STRC: variants seen among roughly 807,000 people sequenced by gnomAD.
The protein encoded by STRC is stereocilin.
STRC carries 43 observed loss-of-function variants against 103.5 expected under a neutral mutation model. That is an observed-to-expected ratio of 0.42 (90% confidence interval 0.33 to 0.54). The LOEUF is 0.54. STRC is among the 20% of genes least tolerant of loss of function. The pLI, the probability that STRC is intolerant of heterozygous loss-of-function variation, is 0.14. For missense variants in STRC, 499 were observed against 1,088.5 expected, an observed-to-expected ratio of 0.46 and a Z score of 7.62; for synonymous variants, 186 against 442.3, an observed-to-expected ratio of 0.42 and a Z score of 7.27.
intron 20 of STRC, 79 bp from the exon 21 acceptor site, chr15:43,604,530 G>C (rs542717773): frequency 1.2e-6 from 2 of 1,605,986 alleles, no homozygotes; most frequent in South Asian, 2.2e-5. Flanking sequence ...GGACATGCTA[G>C]GATTTCGGAC....
In STRC at chr15:43,600,928, A is replaced by G. The variant is rs780035847; in HGVS notation, c.4788T>C (p.Tyr1596=). 16 of 1,603,852 alleles carry G rather than the reference A, an allele frequency of 1.0e-5. No homozygotes were observed. Among genetic ancestry groups the G allele is most frequent in the Non-Finnish European group, 1.3e-5 (15 of 1,174,900 alleles). The change falls in exon 25 of 29, where the codon TAT becomes TAC. Residue 1596 remains tyrosine, a synonymous_variant. Transcript: ENST00000450892. The part of the protein sequence containing the change: ...LDFVHLTALG[Y]TLCGLRPEEL... ...CCTCTGGCCGCAGTCCACAGAGAGT[A>G]TAACCCAGCGCTGTCAGATGAACGA...
chr15:43,603,568 G>C, intron 22 of STRC, 157 bp from the exon 23 acceptor site: 1 of 823,250 alleles, frequency 1.2e-6, no homozygotes, highest in East Asian at 2.6e-5. Context: ...ATAGGGCTTA[G>C]GAGATAATAG....
chr15:43,604,176 G>C, intron 21 of STRC, 24 bp from the exon 22 acceptor site: 2 of 1,608,484 alleles, frequency 1.2e-6, no homozygotes, highest in South Asian at 2.2e-5. Context: ...TAGAAGGAGA[G>C]TGGGGAGATC....
At chr15:43,617,234 AT>A (rs2085763757) in intron 3 of STRC, among the ~76,000 whole-genome samples, 1 of 109,156 alleles carries the variant, frequency 9.2e-6, no homozygotes. Flanking sequence ...TATCATTCTC[AT>A]TTTATAAATG....
At position 43,601,546 on chromosome 15, in the gene STRC, C is replaced by T. The variant is rs2085668909; in HGVS notation, c.4551G>A (p.Trp1517Ter). 6.2e-7 allele frequency: 1 copy of T among 1,613,610 alleles called. No individual in the cohort carries two copies. The highest frequency in any genetic ancestry group is 8.5e-7 in the Non-Finnish European group (1 of 1,179,816). Reference protein sequence around the residue: ...RAAMGKAKQLWGPPRGFRPEQ... With the variant: ...RAAMGKAKQL ...CAGGACGAAATCCCCGGGGGGGACC[C>T]CACAACTAGGAGAAAGACAGGAACA... The change falls in exon 24 of 29, where the codon TGG (tryptophan) becomes TGA (stop). Residue 1517 changes from tryptophan to a stop codon, truncating the protein, a stop_gained. Transcript: ENST00000450892. LOFTEE classifies it high-confidence loss of function.
chr15:43,602,883 G>A (rs2085682020), intron 23 of STRC, among the ~76,000 whole-genome samples: 1 of 151,314 alleles, frequency 6.6e-6, no homozygotes, highest in African/African-American at 2.4e-5. Context: ...CTGACCTCGT[G>A]ATCTGCCCGC....
At chr15:43,601,857 C>A (rs1337216564) in intron 23 of STRC, among the ~76,000 whole-genome samples, 1 of 151,800 alleles carries the variant, frequency 6.6e-6, no homozygotes, top group African/African-American at 2.4e-5. Context: ...CAGTGGCTAA[C>A]AGCTGTAATC....
chr15:43,605,286 G>T lies in STRC; in HGVS notation c.3908C>A (p.Ala1303Glu). 8 of 1,590,164 alleles carry T rather than the reference G, an allele frequency of 5.0e-6. 1 individual carries two copies. The highest frequency in any genetic ancestry group is 6.0e-6 in the Non-Finnish European group (7 of 1,167,260). Residue 1303 changes from alanine to glutamate, a missense_variant, in exon 19 of 29, where the codon GCA (alanine) becomes GAA (glutamate). Ala to Glu is a moderately radical substitution (Grantham distance 107). Transcript: ENST00000450892. ...TACCAGGTTTTGTAGTGCCCTCTCT[G>T]CCAGGGCTGCCTGGTGGAGGGGGGT... ...ALTPLHQAALAERALQNLAPK... is the reference protein window; with the variant it reads ...ALTPLHQAALEERALQNLAPK...
rs754434533 is a variant in STRC at position 43,603,233 on chromosome 15, A to G, written c.4545+9T>C. 5.6e-6 allele frequency: 9 copies of G among 1,612,986 alleles called. No homozygotes were observed. The highest frequency in any genetic ancestry group is 6.8e-6 in the Non-Finnish European group (8 of 1,179,596). On this transcript the variant is annotated intron_variant, in intron 23 of 28. Transcript: ENST00000450892. ...CATGGCCAACCCCAGTTGGCTCTCCATCCCTAACCTGTTTTGCTTTGCCCA... is the reference window on the plus strand; with the variant it reads ...CATGGCCAACCCCAGTTGGCTCTCCGTCCCTAACCTGTTTTGCTTTGCCCA...
chr15:43,603,591 T>A, intron 22 of STRC, 180 bp from the exon 23 acceptor site: 2 of 739,252 alleles, frequency 2.7e-6, no homozygotes, highest in Non-Finnish European at 4.6e-6. Context: ...CAAGAAGTGA[T>A]TGGAGATGCC....
rs199722548 is a variant in STRC, at chr15:43,609,251, G to A, written c.3557+25C>T. On this transcript the variant is annotated intron_variant, in intron 16 of 28. Transcript: ENST00000450892. ...CAAAAAAATGTTGGTCGAATTCAGCGCACTGCTCAACACAAGTTACTCACT... is the reference window on the plus strand; with the variant it reads ...CAAAAAAATGTTGGTCGAATTCAGCACACTGCTCAACACAAGTTACTCACT... 36 of 1,608,276 alleles carry A rather than the reference G, an allele frequency of 2.2e-5. 2 individuals carry two copies. The East Asian group carries it at 2.5e-4, about 11-fold the overall frequency.
chr15:43,605,766 T>C (rs1461591948), intron 18 of STRC, among the ~76,000 whole-genome samples: 1 of 84,160 alleles, frequency 1.2e-5, no homozygotes, highest in South Asian at 5.1e-4. Context: ...CCCGTTTTTT[T>C]CCACAGGACC....
chr15:43,599,879 C>CT, intron 28 of STRC, 81 bp downstream of exon 28: 2 of 730,396 alleles, frequency 2.7e-6, no homozygotes, highest in South Asian at 3.3e-5. Flanking sequence ...TGGGTGCACT[C>CT]TAAGAGCCAG....
rs2085661678 is a variant in STRC at position 43,600,948 on chromosome 15, G to A, written c.4768C>T (p.His1590Tyr). Residue 1590 changes from histidine (H) to tyrosine (Y), a missense_variant, in exon 25 of 29, where the codon CAT (histidine) becomes TAT (tyrosine). Physicochemically the swap from His to Tyr is moderately conservative, Grantham distance 83. Transcript: ENST00000450892. The stretch of plus-strand genomic sequence containing the variant: ...AGAGTATAACCCAGCGCTGTCAGAT[G>A]AACGAAGTCCAGGTGGCTCACATGC... ...GRHVSHLDFVHLTALGYTLCG... is the reference protein window; with the variant it reads ...GRHVSHLDFVYLTALGYTLCG... 6.3e-7 allele frequency: 1 copy of A among 1,596,420 alleles called. No homozygotes were observed. Among genetic ancestry groups the A allele is most frequent in the African/African-American group, 1.4e-5 (1 of 72,424 alleles).
intron 23 of STRC, among the ~76,000 whole-genome samples, chr15:43,601,907 C>A (rs1239680949): frequency 2.0e-5 from 3 of 151,512 alleles, no homozygotes; most frequent in African/African-American, 7.3e-5. Flanking sequence ...ATTGCTTGAG[C>A]CCAGAAGTTC....
intron 16 of STRC, among the ~76,000 whole-genome samples, chr15:43,608,809 ATTC>A (rs1567118815): frequency 2.0e-5 from 3 of 149,722 alleles, no homozygotes. Flanking sequence ...ATTCCTATTT[ATTC>A]TTGCTTGGCC....
chr15:43,603,833 A>T (rs529022050), intron 22 of STRC, among the ~76,000 whole-genome samples, 163 bp downstream of exon 22: 1 of 152,132 alleles, frequency 6.6e-6, no homozygotes, highest in East Asian at 1.9e-4. Context: ...AACTCCCAGA[A>T]CTACAGAATT....
intron 25 of STRC, 85 bp downstream of exon 25, chr15:43,600,787 T>A: frequency 1.2e-6 from 2 of 1,613,096 alleles, no homozygotes; most frequent in Non-Finnish European, 1.7e-6. Context: ...CCTTCCTCCA[T>A]GGGACCAGAC....
In STRC at chr15:43,609,213, C is replaced by A. The variant is rs533807436; in HGVS notation, c.3557+63G>T. 312 of 1,519,568 alleles carry A rather than the reference C, an allele frequency of 2.1e-4. 9 individuals are homozygous for A. Among genetic ancestry groups the A allele is most frequent in the Admixed American group, 1.3e-3 (76 of 59,776 alleles). 94.1% of individuals were successfully genotyped at this position (1,519,568 alleles called of 1,614,324 possible). A position where few individuals can be genotyped will look rare whatever the true frequency, so the allele number is the denominator to read the frequency against. On this transcript the variant is annotated intron_variant, in intron 16 of 28. Coordinates refer to ENST00000450892, the MANE Select transcript of STRC (RefSeq NM_153700.2). ...ATTCCATATCACATGGTGCCTGGCA[C>A]ATAGTAAGCACTCAAAAAAATGTTG... is the stretch of plus-strand genomic sequence containing the variant.
Sources: allele counts gnomAD v4.1 joint callset (sites outside exome capture counted in the v4.1 genomes callset), GRCh38; gene constraint gnomAD v4.1.1; transcripts MANE v1.5; gene names NCBI Gene and HGNC (gene_info 2026-07-23, HGNC 2026-07-21).